LCA5L: variants seen among roughly 807,000 people sequenced by gnomAD.
LCA5L encodes the protein lebercilin-like protein.
Under a neutral mutation model 45.4 loss-of-function variants are expected in LCA5L, and 35 were observed. The ratio of observed to expected loss-of-function variants is 0.77; its 90% confidence interval spans 0.59 to 1.02. The LOEUF (loss-of-function observed/expected upper bound fraction) is 1.02, where lower values mean the gene tolerates loss of function less well. LCA5L is among the 50% of genes least tolerant of loss of function. The probability of loss-of-function intolerance (pLI) is 0.00; values close to 1 mark genes in which losing one functional copy is unlikely to be tolerated. For synonymous variants in LCA5L, 233 were observed against 264.7 expected (o/e 0.88, Z 1.16); for missense variants, 668 against 761.6 (o/e 0.88, Z 1.45).
intron 3 of LCA5L, among the ~76,000 whole-genome samples, chr21:39,430,591 G>T (rs2075603352): frequency 6.6e-6 from 1 of 152,068 alleles, no homozygotes; most frequent in African/African-American, 2.4e-5. Context: ...AAGAAAAGAA[G>T]CTTATCTGAG....
At chr21:39,431,673 A>G (rs1314242056) in intron 3 of LCA5L, among the ~76,000 whole-genome samples, 3 of 152,030 alleles carry the variant, frequency 2.0e-5, no homozygotes, top group Non-Finnish European at 2.9e-5. Context: ...ACGTGCCACC[A>G]AGCCCAGCTA....
chr21:39,415,829 A>G (rs1165009730), intron 7 of LCA5L, among the ~76,000 whole-genome samples: 1 of 152,180 alleles, frequency 6.6e-6, no homozygotes, highest in Non-Finnish European at 1.5e-5. Flanking sequence ...AGTTTCCCAC[A>G]GTCTCATGCT....
intron 7 of LCA5L, among the ~76,000 whole-genome samples, chr21:39,414,742 C>CTGTGTGTGTGTGTGTGTGTGTG (rs66478742): frequency 2.0e-5 from 2 of 99,180 alleles, no homozygotes; most frequent in African/African-American, 4.4e-5. Flanking sequence ...CTCTCTCTCT[C>CTGTGTGTGTGTGTGTGTGTGTG]TGTGTGTGTG....
chr21:39,410,720 A>G (rs761798702), intron 8 of LCA5L: 7 of 399,908 alleles, frequency 1.8e-5, no homozygotes, highest in Non-Finnish European at 1.5e-5. Flanking sequence ...CTTGATTATC[A>G]GTGGTTAGAC....
At position 39,428,226 on chromosome 21, in the gene LCA5L, C is replaced by G; in HGVS notation, c.268G>C (p.Val90Leu). The change falls in exon 5 of 11, where the codon GTA (valine) becomes CTA (leucine). Residue 90 changes from valine to leucine, a missense_variant. Coordinates refer to ENST00000288350, the MANE Select transcript of LCA5L (RefSeq NM_152505.4). ...INRNYLKQPV[V>L]KEKEKKKYNV... is the part of the protein sequence containing the mutation. ...TACTTTTTCTTCTCCTTTTCTTTTA[C>G]CACAGGCTGCTTTAAATAATTTCTA... The G allele has an allele frequency of 6.2e-7, 1 of 1,602,988 alleles. No homozygotes were observed. Among genetic ancestry groups the G allele is most frequent in the Non-Finnish European group, 8.5e-7 (1 of 1,171,102 alleles).
At chr21:39,410,807 C>G (rs555993433) in intron 8 of LCA5L, 12 of 470,212 alleles carry the variant, frequency 2.6e-5, no homozygotes, top group African/African-American at 1.8e-4. Flanking sequence ...ATCATTTAAA[C>G]AACCCCTCGG....
chr21:39,414,321 G>A (rs555594587), intron 7 of LCA5L: 1 of 152,310 alleles, frequency 6.6e-6, no homozygotes, highest in Non-Finnish European at 1.5e-5. Context: ...TGTAAGACGG[G>A]TGGCAGTACC....
intron 3 of LCA5L, among the ~76,000 whole-genome samples, chr21:39,433,630 T>C (rs1157178009): frequency 1.3e-5 from 2 of 152,176 alleles, no homozygotes; most frequent in African/African-American, 2.4e-5. Context: ...ACTATCCTTT[T>C]CCCACTCAAT....
At chr21:39,418,729 A>G (rs538855802) in intron 7 of LCA5L, among the ~76,000 whole-genome samples, 2 of 151,834 alleles carry the variant, frequency 1.3e-5, no homozygotes, top group South Asian at 2.1e-4. Flanking sequence ...CGAACTCCCA[A>G]CCTCAGGTGA....
chr21:39,433,687 T>C (rs1218076974), intron 3 of LCA5L, among the ~76,000 whole-genome samples: 1 of 152,094 alleles, frequency 6.6e-6, no homozygotes, highest in Admixed American at 6.5e-5. Context: ...TGTTGATCTA[T>C]TTCTGTGCTC....
intron 7 of LCA5L, among the ~76,000 whole-genome samples, chr21:39,412,220 G>C (rs1434098539): frequency 6.6e-6 from 1 of 152,204 alleles, no homozygotes; most frequent in South Asian, 2.1e-4. Context: ...GCAGCTGTGT[G>C]TGACTAGTGA....
chr21:39,422,962 C>T lies in LCA5L; in HGVS notation c.837+14G>A. The T allele has an allele frequency of 6.2e-7, 1 of 1,610,358 alleles. No individual in the cohort carries two copies. The highest frequency in any genetic ancestry group is 8.5e-7 in the Non-Finnish European group (1 of 1,178,668). ...TTTGGAATCTTAAACTGTCTGGGCC[C>T]CTGAAATACAGACCTGTATTTTTTT... is the stretch of plus-strand genomic sequence containing the variant. On this transcript the variant is annotated intron_variant, in intron 6 of 10. Coordinates refer to ENST00000288350, the MANE Select transcript of LCA5L (RefSeq NM_152505.4).
At chr21:39,432,716 A>G (rs2075865977) in intron 3 of LCA5L, among the ~76,000 whole-genome samples, 1 of 152,174 alleles carries the variant, frequency 6.6e-6, no homozygotes, top group African/African-American at 2.4e-5. Context: ...TTTTGTCACT[A>G]TCAATTATTT....
chr21:39,409,130 C>T lies in LCA5L; in HGVS notation c.1282+849G>A, dbSNP rs945083984. Among the ~76,000 whole-genome samples, 1 of 152,056 alleles carries T rather than the reference C, an allele frequency of 6.6e-6. No individual in the cohort carries two copies. The highest frequency in any genetic ancestry group is 1.5e-5 in the Non-Finnish European group (1 of 68,008). On this transcript the variant is annotated intron_variant, in intron 10 of 10. Coordinates refer to ENST00000288350, the MANE Select transcript of LCA5L (RefSeq NM_152505.4). The surrounding 1 kb of genome is among the most constrained non-coding windows in gnomAD (Gnocchi z 4.2). Reference sequence around the variant, plus strand: ...GGGGCCTTCATGACGGAATTAGTGTCCTTATAAAAAGAAACACTGGAGCAC... The same window carrying T: ...GGGGCCTTCATGACGGAATTAGTGTTCTTATAAAAAGAAACACTGGAGCAC...
rs780510799 is a variant in LCA5L, at chr21:39,405,889, A to C, written c.2006T>G (p.Ile669Ser). ...SSPTEGKRKIII is the reference protein window; with the variant it reads ...SSPTEGKRKISI ...TTAGGATATTGATTATATTTAAATA[A>C]TTATTTTTCTTTTTCCTTCTGTAGG... The change falls in exon 11 of 11, where the codon ATT (isoleucine) becomes AGT (serine). Residue 669 changes from isoleucine (I) to serine (S), a missense_variant. By Grantham distance (142) the Ile-to-Ser change is moderately radical. Transcript: ENST00000288350. The C allele has an allele frequency of 3.8e-6, 6 of 1,573,810 alleles. No homozygotes were observed. The Admixed American group carries it at 1.1e-4, about 28-fold the overall frequency.
intron 7 of LCA5L, among the ~76,000 whole-genome samples, chr21:39,418,638 T>G (rs2041730436): frequency 6.6e-6 from 1 of 152,080 alleles, no homozygotes; most frequent in Non-Finnish European, 1.5e-5. Context: ...GTAATGGGAT[T>G]ACAGGCACGC....
intron 3 of LCA5L, among the ~76,000 whole-genome samples, chr21:39,433,921 A>G (rs1248400655): frequency 7.3e-6 from 1 of 136,806 alleles, no homozygotes; most frequent in Non-Finnish European, 1.5e-5. Flanking sequence ...ATGCCACCAC[A>G]TCCAGCTTTT....
At chr21:39,438,484 AT>A (rs1447069180) in intron 2 of LCA5L, among the ~76,000 whole-genome samples, 5 of 152,230 alleles carry the variant, frequency 3.3e-5, no homozygotes, top group Non-Finnish European at 7.4e-5. Flanking sequence ...AATTAAAAAA[AT>A]AATAAAGTTC....
chr21:39,414,730 C>G (rs1336829636), intron 7 of LCA5L, among the ~76,000 whole-genome samples: 1 of 113,496 alleles, frequency 8.8e-6, no homozygotes, highest in African/African-American at 3.8e-5. Flanking sequence ...CTCTCTCTCT[C>G]TCTCTCTCTC....
Sources: allele counts gnomAD v4.1 joint callset (sites outside exome capture counted in the v4.1 genomes callset), GRCh38; gene constraint gnomAD v4.1.1; non-coding constraint Gnocchi (gnomAD v3.1); transcripts MANE v1.5; gene names NCBI Gene and HGNC (gene_info 2026-07-23, HGNC 2026-07-21).